PLCE1: variants seen among roughly 807,000 people sequenced by gnomAD.
PLCE1 encodes phospholipase C epsilon 1.
PLCE1 carries 119 observed loss-of-function variants against 242.8 expected under a neutral mutation model. The ratio of observed to expected loss-of-function variants is 0.49; its 90% CI spans 0.42 to 0.57. The LOEUF (loss-of-function observed/expected upper bound fraction) is 0.57, where lower values mean the gene tolerates loss of function less well. PLCE1 is among the 20% of genes least tolerant of loss of function. The probability of loss-of-function intolerance (pLI) is 0.00; values close to 1 mark genes in which losing one functional copy is unlikely to be tolerated. For synonymous variants in PLCE1, 945 were observed against 1,017.4 expected, an observed-to-expected ratio of 0.93 and a Z score of 1.35; for missense variants, 2,441 against 2,788.8, an observed-to-expected ratio of 0.88 and a Z score of 2.81.
chr10:94,310,896 A>C (rs1168938439), intron 27 of PLCE1, among the ~76,000 whole-genome samples: 1 of 152,218 alleles, frequency 6.6e-6, no homozygotes, highest in African/African-American at 2.4e-5. Context: ...TTCAGATGCC[A>C]GTCAGAAGTC....
intron 1 of PLCE1, among the ~76,000 whole-genome samples, chr10:94,010,757 T>C (rs2061153568): frequency 6.6e-6 from 1 of 152,344 alleles, no homozygotes; most frequent in East Asian, 1.9e-4. Flanking sequence ...GGAGCCAAGT[T>C]CTTTGCTAAG....
At chr10:94,052,545 T>A (rs2134813463) in intron 2 of PLCE1, among the ~76,000 whole-genome samples, 1 of 152,360 alleles carries the variant, frequency 6.6e-6, no homozygotes, top group South Asian at 2.1e-4. Flanking sequence ...GGTAAAAACA[T>A]ATCTAGACTC....
At chr10:94,118,719 G>A (rs530662162) in intron 2 of PLCE1, among the ~76,000 whole-genome samples, 132 of 152,008 alleles carry the variant, frequency 8.7e-4, no homozygotes, top group Admixed American at 2.0e-3. Flanking sequence ...TCTTTCTTTC[G>A]CAAATTGCCC....
intron 2 of PLCE1, among the ~76,000 whole-genome samples, chr10:94,074,373 A>C (rs1440285547): frequency 6.6e-6 from 1 of 151,058 alleles, no homozygotes; most frequent in Non-Finnish European, 1.5e-5. Context: ...TCTATTTTTC[A>C]TTTTTATTTT....
intron 27 of PLCE1, among the ~76,000 whole-genome samples, chr10:94,310,430 C>T (rs1400041484): frequency 6.6e-6 from 1 of 152,178 alleles, no homozygotes; most frequent in East Asian, 1.9e-4. Flanking sequence ...GGCCACACCC[C>T]GCACCAATTA....
At chr10:94,144,059 G>A (rs1170124952) in intron 3 of PLCE1, among the ~76,000 whole-genome samples, 1 of 152,158 alleles carries the variant, frequency 6.6e-6, no homozygotes, top group Non-Finnish European at 1.5e-5. Flanking sequence ...TGGATGATCT[G>A]GGAACATGGA....
At chr10:94,215,674 G>A (rs1288968507) in intron 4 of PLCE1, among the ~76,000 whole-genome samples, 1 of 152,152 alleles carries the variant, frequency 6.6e-6, no homozygotes, top group Non-Finnish European at 1.5e-5. Flanking sequence ...CTAGACATTT[G>A]GAGCCAGCAG....
Position 94,246,180 on chromosome 10 carries a change from G to T in PLCE1, c.2655G>T (p.Gln885His). 1.2e-6 allele frequency: 2 copies of T among 1,614,112 alleles called. No individual in the cohort carries two copies. Among genetic ancestry groups the T allele is most frequent in the Non-Finnish European group, 1.7e-6 (2 of 1,180,010 alleles). ...HLSARCFLQL[Q>H]PDNSTLTWVK... The stretch of plus-strand genomic sequence containing the variant: ...CTGCCCGCTGCTTCCTCCAGCTTCA[G>T]CCCGACAATAGCACCTTGACCTGGG... Residue 885 changes from glutamine (Q) to histidine (H), a missense_variant, in exon 8 of 33, where the codon CAG becomes CAT. Gln to His is a conservative substitution (Grantham distance 24). Transcript: ENST00000371380.
At chr10:94,325,666 T>G (rs563262996) in intron 32 of PLCE1, 2 of 152,252 alleles carry the variant, frequency 1.3e-5, no homozygotes, top group Admixed American at 6.5e-5. Flanking sequence ...ACCCCTTATT[T>G]ATTTTGTAGA....
intron 4 of PLCE1, among the ~76,000 whole-genome samples, chr10:94,191,720 T>G (rs1036738508): frequency 6.6e-6 from 1 of 152,174 alleles, no homozygotes; most frequent in African/African-American, 2.4e-5. Flanking sequence ...TCAAGACAGG[T>G]ACATTTCAAT....
At chr10:94,256,526 C>T (rs2051108724) in intron 11 of PLCE1, among the ~76,000 whole-genome samples, 1 of 152,136 alleles carries the variant, frequency 6.6e-6, no homozygotes, top group Admixed American at 6.6e-5. Context: ...TTGTACCACT[C>T]TTGCAACTTT....
chr10:94,325,187 T>C, intron 32 of PLCE1, 83 bp downstream of exon 32: 1 of 1,011,064 alleles, frequency 9.9e-7, no homozygotes. Flanking sequence ...ACAATGTCTT[T>C]TATCTTTTCC....
intron 4 of PLCE1, among the ~76,000 whole-genome samples, chr10:94,201,457 A>T (rs1410196039): frequency 1.3e-5 from 2 of 152,134 alleles, no homozygotes; most frequent in African/African-American, 4.8e-5. Context: ...TTCTCTGAGG[A>T]ATTTCAGTTT....
At chr10:94,233,862 C>A (rs1207691727) in intron 5 of PLCE1, among the ~76,000 whole-genome samples, 192 bp from the exon 6 acceptor site, 1 of 151,774 alleles carries the variant, frequency 6.6e-6, no homozygotes, top group South Asian at 2.1e-4. Flanking sequence ...GCAGGAGAAT[C>A]GCTTGAACCC....
rs74151051 is a variant in PLCE1 at position 94,120,129 on chromosome 10, T to A, written c.1207-12045T>A. 7.5e-3 allele frequency among the ~76,000 whole-genome samples: 1,149 copies of A among 152,188 alleles called. 14 individuals are homozygous for A. Among genetic ancestry groups the A allele is most frequent in the African/African-American group, 0.026 (1,094 of 41,522 alleles). On this transcript the variant is annotated intron_variant, in intron 2 of 32. Coordinates refer to ENST00000371380, the MANE Select transcript of PLCE1 (RefSeq NM_016341.4). Reference sequence around the variant, plus strand: ...CTACTATTCTCTACCCTTACTCAACTCCTCCATCCTGTCTGGGAGACTCAA... The same window carrying A: ...CTACTATTCTCTACCCTTACTCAACACCTCCATCCTGTCTGGGAGACTCAA...
chr10:94,053,433 A>G (rs1006595973), intron 2 of PLCE1, among the ~76,000 whole-genome samples: 1 of 152,226 alleles, frequency 6.6e-6, no homozygotes, highest in Non-Finnish European at 1.5e-5. Flanking sequence ...TATTTTGCAC[A>G]TTGCCACAGT....
intron 3 of PLCE1, among the ~76,000 whole-genome samples, chr10:94,136,329 C>T (rs1169235312): frequency 6.6e-6 from 1 of 152,104 alleles, no homozygotes; most frequent in Non-Finnish European, 1.5e-5. Flanking sequence ...GATAGTTGCA[C>T]AGCAATATGA....
intron 4 of PLCE1, among the ~76,000 whole-genome samples, chr10:94,208,397 T>C (rs1022681997): frequency 6.6e-6 from 1 of 152,166 alleles, no homozygotes; most frequent in East Asian, 1.9e-4. Context: ...TGAAATTACA[T>C]AAAGACATGA....
chr10:94,023,077 A>G (rs1236225478), intron 1 of PLCE1, among the ~76,000 whole-genome samples: 1 of 152,170 alleles, frequency 6.6e-6, no homozygotes, highest in African/African-American at 2.4e-5. Context: ...GGTGGAAGGT[A>G]GGAAGAGCTA....
Sources: allele counts gnomAD v4.1 joint callset (sites outside exome capture counted in the v4.1 genomes callset), GRCh38; gene constraint gnomAD v4.1.1; transcripts MANE v1.5; gene names NCBI Gene and HGNC (gene_info 2026-07-23, HGNC 2026-07-21).